The following VPS35L variants were observed in gnomAD, a reference collection of about 807,000 sequenced individuals.
VPS35L encodes the protein VPS35 endosomal protein-sorting factor-like.
A neutral mutation model predicts 133.0 loss-of-function variants in VPS35L; 83 were observed. That is an observed-to-expected ratio of 0.62 (90% CI 0.52 to 0.75). The LOEUF (loss-of-function observed/expected upper bound fraction) is 0.75. VPS35L is among the 30% of genes least tolerant of loss of function. The pLI, the probability that VPS35L is intolerant of heterozygous loss-of-function variation, is 0.00. For missense variants in VPS35L, 1,083 were observed against 1,206.8 expected (o/e 0.90, Z 1.52); for synonymous variants, 423 against 449.9 (o/e 0.94, Z 0.76).
chr16:19,568,294 A>G (rs146943029), intron 2 of VPS35L, among the ~76,000 whole-genome samples: 89 of 150,784 alleles, frequency 5.9e-4, no homozygotes, highest in Non-Finnish European at 8.4e-4. Context: ...AAGCTCTTCA[A>G]ACCGCCCCCC....
chr16:19,564,974 T>G (rs759610640), intron 2 of VPS35L, 24 bp downstream of exon 2: 1 of 1,502,536 alleles, frequency 6.7e-7, no homozygotes. Flanking sequence ...AGGGTCTTTC[T>G]GAATGATATT....
At position 19,641,188 on chromosome 16, in the gene VPS35L, C is replaced by A. The variant is rs554255660; in HGVS notation, c.1784+1088C>A. Among the ~76,000 whole-genome samples the A allele has an allele frequency of 4.6e-5, 7 of 152,242 alleles. No homozygotes were observed. The East Asian group carries it at 1.4e-3, about 29-fold the overall frequency. ...CAAGCAATTCTCCTGCCTCAGCCTCCCGAGTAGCTGGGATTATATGCACCC... is the reference window on the plus strand; with the variant it reads ...CAAGCAATTCTCCTGCCTCAGCCTCACGAGTAGCTGGGATTATATGCACCC... On this transcript the variant is annotated intron_variant, in intron 21 of 30. Transcript: ENST00000417362.
chr16:19,680,237 T>C (rs1003364093), intron 27 of VPS35L, among the ~76,000 whole-genome samples: 5 of 152,222 alleles, frequency 3.3e-5, no homozygotes, highest in Admixed American at 6.5e-5. Flanking sequence ...GTAGCTGCTA[T>C]TAATATTAGC....
At chr16:19,623,210 T>C (rs1426736082) in intron 14 of VPS35L, among the ~76,000 whole-genome samples, 4 of 135,542 alleles carry the variant, frequency 3.0e-5, no homozygotes, top group Non-Finnish European at 6.6e-5. Flanking sequence ...CTTAACAAAA[T>C]ACCCAGACTA....
chr16:19,699,273 C>T lies in VPS35L; in HGVS notation c.2647-229C>T, dbSNP rs2151633527. 2.1e-6 allele frequency: 1 copy of T among 485,360 alleles called. No homozygotes were observed. The highest frequency in any genetic ancestry group is 2.5e-5 in the South Asian group (1 of 39,738). The allele number at this position is 485,360 out of a possible 1,614,324, so 30.1% of individuals were successfully genotyped here. ...ATGACCATCTGTGGGCACAGAGCTTCGTCATCTTACTGAATCCCCGCCCTT... is the reference window on the plus strand; with the variant it reads ...ATGACCATCTGTGGGCACAGAGCTTTGTCATCTTACTGAATCCCCGCCCTT... On this transcript the variant is annotated intron_variant, in intron 29 of 30. Coordinates refer to ENST00000417362, the MANE Select transcript of VPS35L (RefSeq NM_020314.7). This position sits in a 1 kb window ranked among gnomAD's most constrained non-coding sequence, Gnocchi z 4.2.
intron 21 of VPS35L, among the ~76,000 whole-genome samples, chr16:19,641,870 C>T (rs1369009395): frequency 1.3e-5 from 2 of 152,124 alleles, no homozygotes; most frequent in East Asian, 3.9e-4. Flanking sequence ...TGTGATTTTG[C>T]AGTTAGGAGA....
intron 3 of VPS35L, 110 bp from the exon 4 acceptor site, chr16:19,573,008 CA>C: frequency 1.6e-6 from 2 of 1,252,962 alleles, no homozygotes; most frequent in Non-Finnish European, 2.2e-6. Context: ...AACCTTGAGA[CA>C]AATCTCTTTT....
chr16:19,669,320 C>T lies in VPS35L; in HGVS notation c.2361+21C>T, dbSNP rs774647010. On this transcript the variant is annotated intron_variant, in intron 27 of 30. Coordinates refer to ENST00000417362, the MANE Select transcript of VPS35L (RefSeq NM_020314.7). ...TTCCGGTACGTTTCCTCAGCAGAAC[C>T]GCAGGACATGTCTTCCTTTCACCTG... 50 of 1,590,178 alleles carry T rather than the reference C, an allele frequency of 3.1e-5. No homozygotes were observed. In the South Asian group the frequency reaches 3.4e-4, roughly 11 times the overall value.
At chr16:19,570,879 A>ATTTTTTTTTT (rs1567388832) in intron 3 of VPS35L, among the ~76,000 whole-genome samples, 1 of 57,638 alleles carries the variant, frequency 1.7e-5, no homozygotes, top group African/African-American at 9.0e-5. Context: ...ATATATATAT[A>ATTTTTTTTTT]TATATATATA....
intron 16 of VPS35L, 61 bp downstream of exon 16, chr16:19,627,866 T>G (rs1473460218): frequency 8.9e-6 from 12 of 1,348,648 alleles, no homozygotes; most frequent in African/African-American, 1.4e-5. Flanking sequence ...TGATAGCTCT[T>G]GAGAGACAGT....
In VPS35L at chr16:19,666,081, C is replaced by T. The variant is rs1974654389; in HGVS notation, c.2222-3079C>T. Among the ~76,000 whole-genome samples the T allele has an allele frequency of 1.3e-5, 2 of 151,362 alleles. 1 individual carries two copies. The highest frequency in any genetic ancestry group is 4.2e-4 in the South Asian group (2 of 4,746). On this transcript the variant is annotated intron_variant, in intron 26 of 30. Coordinates refer to ENST00000417362, the MANE Select transcript of VPS35L (RefSeq NM_020314.7). ...AGCTCCTTATGTTCTGGTTATTAATCCTTTATCAGATGGGTAGTTTGCAAA... is the reference window on the plus strand; with the variant it reads ...AGCTCCTTATGTTCTGGTTATTAATTCTTTATCAGATGGGTAGTTTGCAAA...
At chr16:19,696,281 G>A (rs1447208841) in intron 29 of VPS35L, among the ~76,000 whole-genome samples, 3 of 152,144 alleles carry the variant, frequency 2.0e-5, no homozygotes, top group African/African-American at 7.2e-5. Context: ...TTGGTATCCA[G>A]GCCCATCACA....
At chr16:19,610,256 TA>T in intron 11 of VPS35L, 65 bp from the exon 12 acceptor site, 1 of 1,360,828 alleles carries the variant, frequency 7.3e-7, no homozygotes, top group Non-Finnish European at 1.0e-6. Context: ...TATCTTTATT[TA>T]AAAAATTAAA....
chr16:19,564,539 C>T (rs776659523), intron 1 of VPS35L, among the ~76,000 whole-genome samples: 6 of 152,094 alleles, frequency 3.9e-5, no homozygotes, highest in Admixed American at 2.6e-4. Context: ...GCTGGGATTA[C>T]AGGCGTGCGC....
chr16:19,653,864 GC>G (rs1487391523), intron 26 of VPS35L, among the ~76,000 whole-genome samples: 1 of 152,158 alleles, frequency 6.6e-6, no homozygotes, highest in East Asian at 1.9e-4. Flanking sequence ...CATGGTTACT[GC>G]CCAGGAACCT....
At chr16:19,659,038 A>G (rs13336174) in intron 26 of VPS35L, among the ~76,000 whole-genome samples, 13,144 of 152,188 alleles carry the variant, frequency 0.086, 772 homozygotes, top group East Asian at 0.22. Context: ...TAGTTCTTCT[A>G]TATCATAACA....
At chr16:19,619,026 G>A (rs1972990778) in intron 14 of VPS35L, among the ~76,000 whole-genome samples, 1 of 151,630 alleles carries the variant, frequency 6.6e-6, no homozygotes, top group South Asian at 2.1e-4. Flanking sequence ...CACCTCCCAG[G>A]TTCAAGCGAT....
At chr16:19,641,868 T>C (rs1409281691) in intron 21 of VPS35L, among the ~76,000 whole-genome samples, 1 of 152,210 alleles carries the variant, frequency 6.6e-6, no homozygotes, top group Non-Finnish European at 1.5e-5. Context: ...TCTGTGATTT[T>C]GCAGTTAGGA....
intron 29 of VPS35L, among the ~76,000 whole-genome samples, chr16:19,698,588 A>G (rs1385747001): frequency 6.6e-6 from 1 of 152,094 alleles, no homozygotes; most frequent in Non-Finnish European, 1.5e-5. Flanking sequence ...CCTGCCACGG[A>G]GCTGTCATGA....
Sources: gnomAD v4.1 joint callset for allele counts (sites outside exome capture counted in the v4.1 genomes callset) on GRCh38, gnomAD v4.1.1 for gene constraint, Gnocchi (gnomAD v3.1) non-coding constraint, MANE v1.5 for transcripts, NCBI Gene and HGNC (gene_info 2026-07-23, HGNC 2026-07-21) for gene names.